DNM3: variants seen among roughly 807,000 people sequenced by gnomAD.
The protein encoded by DNM3 is dynamin 3.
DNM3 carries 47 observed loss-of-function variants against 101.6 expected under a neutral mutation model. The ratio of observed to expected loss-of-function variants is 0.46; its 90% CI spans 0.37 to 0.59. The LOEUF is 0.59. DNM3 is among the 20% of genes least tolerant of loss of function. DNM3 has a pLI of 0.00. For synonymous variants in DNM3, 385 were observed against 387.9 expected, an observed-to-expected ratio of 0.99 and a Z score of 0.09; for missense variants, 849 against 1,085.7, an observed-to-expected ratio of 0.78 and a Z score of 3.06.
chr1:172,381,878 G>A (rs1303627491), intron 18 of DNM3, among the ~76,000 whole-genome samples: 2 of 152,060 alleles, frequency 1.3e-5, no homozygotes, highest in Non-Finnish European at 2.9e-5. Context: ...CCTAAAACAC[G>A]GTCCTCTATT....
intron 1 of DNM3, among the ~76,000 whole-genome samples, chr1:171,910,227 T>A (rs1272497324): frequency 6.6e-6 from 1 of 152,232 alleles, no homozygotes; most frequent in Non-Finnish European, 1.5e-5. Flanking sequence ...TCTTCCCTTA[T>A]CTGAAGTTTT....
intron 11 of DNM3, among the ~76,000 whole-genome samples, chr1:172,072,373 T>C (rs1323467711): frequency 6.6e-6 from 1 of 152,320 alleles, no homozygotes; most frequent in East Asian, 1.9e-4. Context: ...GCCTTGACTT[T>C]ATTTTTGGTA....
intron 2 of DNM3, among the ~76,000 whole-genome samples, chr1:171,980,767 ATTT>A (rs35033942): frequency 9.1e-5 from 10 of 110,216 alleles, no homozygotes; most frequent in Admixed American, 1.0e-4. Flanking sequence ...AAATCTACAG[ATTT>A]TTTTTTTTTT....
chr1:172,038,001 T>C (rs923061214), intron 6 of DNM3, among the ~76,000 whole-genome samples: 15 of 152,168 alleles, frequency 9.9e-5, no homozygotes, highest in Non-Finnish European at 1.5e-5. Context: ...GGTAAATCAA[T>C]CCATGCTAAG....
At chr1:172,084,382 A>G (rs1248783492) in intron 12 of DNM3, among the ~76,000 whole-genome samples, 2 of 152,092 alleles carry the variant, frequency 1.3e-5, no homozygotes, top group Admixed American at 6.6e-5. Flanking sequence ...ATTTTACTTT[A>G]TGATGTAGTT....
intron 20 of DNM3, chr1:172,394,072 T>G (rs1261991465): frequency 2.0e-5 from 3 of 152,254 alleles, no homozygotes; most frequent in Admixed American, 2.0e-4. Context: ...AATTTCACCA[T>G]GATTCTGGCT....
chr1:172,388,508 A>G (rs2069329320), intron 19 of DNM3, 65 bp from the exon 20 acceptor site: 1 of 1,386,722 alleles, frequency 7.2e-7, no homozygotes, highest in African/African-American at 1.4e-5. Context: ...GTTACAAAAC[A>G]TTTTTAGAGA....
At chr1:171,841,936 G>A (rs1314248276) in intron 1 of DNM3, 119 bp downstream of exon 1, 3 of 1,337,110 alleles carry the variant, frequency 2.2e-6, no homozygotes, top group Admixed American at 5.0e-5. Context: ...GCGGTGGAAT[G>A]GGGGGCAGAG....
rs920551656 is a variant in DNM3 at position 172,038,194 on chromosome 1, C to T, written c.850-125C>T. On this transcript the variant is annotated intron_variant, in intron 6 of 20. Coordinates refer to ENST00000627582, the MANE Select transcript of DNM3 (RefSeq NM_015569.5). ...CATAATAGTCAATGTCAAATGCAGA[C>T]ATAATGTTTGAAATTTTGAATTATT... 3.0e-5 allele frequency: 37 copies of T among 1,245,324 alleles called. No individual in the cohort carries two copies. The Middle Eastern group carries it at 2.3e-3, about 78-fold the overall frequency. The allele number at this position is 1,245,324 out of a possible 1,614,324, so 77.1% of individuals were successfully genotyped here. A position where few individuals can be genotyped will look rare whatever the true frequency, so the allele number is the denominator to read the frequency against.
intron 18 of DNM3, among the ~76,000 whole-genome samples, chr1:172,382,750 A>G (rs1317392677): frequency 6.6e-6 from 1 of 152,210 alleles, no homozygotes; most frequent in Non-Finnish European, 1.5e-5. Flanking sequence ...GTGAGAAGCA[A>G]TGTTTGAAAT....
chr1:171,962,473 T>C lies in DNM3; in HGVS notation c.236-25183T>C, dbSNP rs867121043. ...GGTCACTATCTTAGTCAATTTGGGC[T>C]GCTATAACAAAATATCACAGACTGG... On this transcript the variant is annotated intron_variant, in intron 2 of 20. Transcript: ENST00000627582. 2.6e-5 allele frequency among the ~76,000 whole-genome samples: 4 copies of C among 152,274 alleles called. 1 individual carries two copies. The highest frequency in any genetic ancestry group is 6.8e-3 in the Middle Eastern group (2 of 294).
At chr1:172,140,210 A>T (rs1299958002) in intron 14 of DNM3, 1 of 152,054 alleles carries the variant, frequency 6.6e-6, no homozygotes, top group Non-Finnish European at 1.5e-5. Flanking sequence ...TGATTAGGTA[A>T]GGTAATGTTT....
At chr1:172,296,478 A>G (rs1158362259) in intron 15 of DNM3, among the ~76,000 whole-genome samples, 1 of 152,142 alleles carries the variant, frequency 6.6e-6, no homozygotes, top group Non-Finnish European at 1.5e-5. Flanking sequence ...TACTCTCAAA[A>G]CAACCCTCCT....
intron 10 of DNM3, among the ~76,000 whole-genome samples, chr1:172,063,385 T>C (rs2051401327): frequency 6.6e-6 from 1 of 151,896 alleles, no homozygotes; most frequent in African/African-American, 2.4e-5. Flanking sequence ...TTTTTTTCTC[T>C]AGGAAAATGT....
intron 13 of DNM3, among the ~76,000 whole-genome samples, chr1:172,118,577 AT>A (rs887002952): frequency 7.3e-5 from 11 of 149,798 alleles, no homozygotes; most frequent in African/African-American, 2.5e-4. Context: ...ATTTTGGAAG[AT>A]TTTTTTTTTC....
intron 14 of DNM3, among the ~76,000 whole-genome samples, chr1:172,195,137 A>T (rs529848015): frequency 2.2e-4 from 34 of 152,146 alleles, no homozygotes; most frequent in African/African-American, 7.7e-4. Context: ...GTTTGGCTGG[A>T]TAGGGAATCA....
chr1:172,062,856 T>G (rs182359337), intron 10 of DNM3, among the ~76,000 whole-genome samples: 1 of 152,226 alleles, frequency 6.6e-6, no homozygotes, highest in East Asian at 1.9e-4. Context: ...TTAAAAAATT[T>G]TTTTCATAGC....
intron 15 of DNM3, among the ~76,000 whole-genome samples, chr1:172,303,461 G>T (rs2064579516): frequency 6.6e-6 from 1 of 152,148 alleles, no homozygotes; most frequent in South Asian, 2.1e-4. Context: ...CACTCTTCAG[G>T]CTATCATCCA....
At chr1:171,913,537 T>C (rs1571577992) in intron 1 of DNM3, among the ~76,000 whole-genome samples, 1 of 152,190 alleles carries the variant, frequency 6.6e-6, no homozygotes, top group Admixed American at 6.5e-5. Context: ...TGCATTGTAA[T>C]GGTTGGCAAA....
Sources: gnomAD v4.1 joint callset for allele counts (sites outside exome capture counted in the v4.1 genomes callset) on GRCh38, gnomAD v4.1.1 for gene constraint, MANE v1.5 for transcripts, NCBI Gene and HGNC (gene_info 2026-07-23, HGNC 2026-07-21) for gene names.